Variants in KCND3 observed in about 807,000 individuals in gnomAD.
The protein encoded by KCND3 is A-type voltage-gated potassium channel KCND3.
A neutral mutation model predicts 51.1 loss-of-function variants in KCND3; 9 were observed. That is an observed-to-expected ratio of 0.18 (90% CI 0.11 to 0.31). The LOEUF (loss-of-function observed/expected upper bound fraction) is 0.31. KCND3 is among the 10% of genes least tolerant of loss of function. KCND3 has a pLI of 1.00. For synonymous variants in KCND3, 349 were observed against 368.0 expected (o/e 0.95, Z 0.59); for missense variants, 526 against 903.8 (o/e 0.58, Z 5.36).
chr1:111,868,855 C>A (rs1325965347), intron 2 of KCND3, among the ~76,000 whole-genome samples: 1 of 152,168 alleles, frequency 6.6e-6, no homozygotes, highest in African/African-American at 2.4e-5. Flanking sequence ...CCCATCTTAG[C>A]CTTCTCTGTC....
At chr1:111,782,763 T>A (rs1402087380) in intron 3 of KCND3, among the ~76,000 whole-genome samples, 3 of 152,222 alleles carry the variant, frequency 2.0e-5, no homozygotes, top group Non-Finnish European at 4.4e-5. Context: ...TTGTGGCACT[T>A]CTTTTAATCA....
chr1:111,908,422 G>A (rs1353990256), intron 2 of KCND3, among the ~76,000 whole-genome samples: 1 of 152,228 alleles, frequency 6.6e-6, no homozygotes, highest in African/African-American at 2.4e-5. Flanking sequence ...GCAAATAAAT[G>A]TTAGGTAACT....
chr1:111,806,421 C>T (rs1457399893), intron 2 of KCND3, among the ~76,000 whole-genome samples: 2 of 152,166 alleles, frequency 1.3e-5, no homozygotes, highest in Non-Finnish European at 2.9e-5. Flanking sequence ...ATAATGGGAA[C>T]GCTATGGGCT....
At chr1:111,781,005 G>A (rs1003139352) in intron 3 of KCND3, among the ~76,000 whole-genome samples, 2 of 152,144 alleles carry the variant, frequency 1.3e-5, no homozygotes, top group African/African-American at 2.4e-5. Context: ...TCTCCAGCCC[G>A]GGTATAATCC....
Position 111,981,974 on chromosome 1 carries a change from G to T in KCND3, c.753C>A (p.Arg251=). ...TCATGACGCTGCGGATGAAGCGGTA[G>T]CGGCTGGGAGCCGCGAAGAGCCGCA... ...YLLRLFAAPS[R]YRFIRSVMSI... The change falls in exon 2 of 8, where the codon CGC becomes CGA. Residue 251 remains arginine, a synonymous_variant. Coordinates refer to ENST00000302127, the MANE Select transcript of KCND3 (RefSeq NM_001378969.1). This position sits in a 1 kb window ranked among gnomAD's most constrained non-coding sequence, Gnocchi z 6.2. 1 of 1,614,038 alleles carries T rather than the reference G, an allele frequency of 6.2e-7. No individual in the cohort carries two copies. Among genetic ancestry groups the T allele is most frequent in the African/African-American group, 1.3e-5 (1 of 75,008 alleles).
Position 111,827,131 on chromosome 1 carries a change from G to A in KCND3, c.1107-40025C>T, listed in dbSNP as rs192720279. The stretch of plus-strand genomic sequence containing the variant: ...GCCTGTATGATTATTTCCAGTTTTT[G>A]GATGGGAAAACTAAGGCACAGAGTG... On this transcript the variant is annotated intron_variant, in intron 2 of 7. Transcript: ENST00000302127. Among the ~76,000 whole-genome samples the A allele has an allele frequency of 5.8e-4, 88 of 152,326 alleles. 1 individual carries two copies. The highest frequency in any genetic ancestry group is 1.0e-3 in the Non-Finnish European group (69 of 68,032).
intron 2 of KCND3, among the ~76,000 whole-genome samples, chr1:111,876,085 C>T (rs188501846): frequency 1.3e-5 from 2 of 152,260 alleles, no homozygotes; most frequent in Admixed American, 6.5e-5. Context: ...GAAACTAGCC[C>T]CCAAATGTCC....
At chr1:111,977,388 G>A (rs758107489) in intron 2 of KCND3, among the ~76,000 whole-genome samples, 12 of 152,194 alleles carry the variant, frequency 7.9e-5, no homozygotes, top group Admixed American at 3.3e-4. Flanking sequence ...CCAGGATTAT[G>A]TTTTAAAGTG....
intron 2 of KCND3, among the ~76,000 whole-genome samples, chr1:111,790,208 C>T (rs1389904769): frequency 6.6e-6 from 1 of 152,150 alleles, no homozygotes; most frequent in Non-Finnish European, 1.5e-5. Flanking sequence ...TAGTTACCAA[C>T]TAGTTAAGTG....
chr1:111,788,367 A>G (rs1557937568), intron 2 of KCND3, among the ~76,000 whole-genome samples: 1 of 152,248 alleles, frequency 6.6e-6, no homozygotes, highest in Non-Finnish European at 1.5e-5. Context: ...ACTCAAAGTC[A>G]TCTGTCCTGA....
intron 2 of KCND3, among the ~76,000 whole-genome samples, chr1:111,949,233 T>G (rs1437783645): frequency 1.3e-5 from 2 of 152,344 alleles, no homozygotes; most frequent in Admixed American, 1.3e-4. Flanking sequence ...TTGGTGGATC[T>G]CCGGGTGCCT....
chr1:111,826,018 G>T (rs1666554979), intron 2 of KCND3, among the ~76,000 whole-genome samples: 1 of 152,100 alleles, frequency 6.6e-6, no homozygotes, highest in African/African-American at 2.4e-5. Flanking sequence ...TTGCTAATTT[G>T]CAAGCCAAAA....
chr1:111,839,479 C>T (rs967160797), intron 2 of KCND3, among the ~76,000 whole-genome samples: 2 of 152,224 alleles, frequency 1.3e-5, no homozygotes, highest in African/African-American at 4.8e-5. Context: ...TGTCATTTCC[C>T]CAAGGAGCAG....
At chr1:111,861,426 C>T (rs1162247155) in intron 2 of KCND3, among the ~76,000 whole-genome samples, 1 of 152,170 alleles carries the variant, frequency 6.6e-6, no homozygotes, top group Non-Finnish European at 1.5e-5. Context: ...CTTTCCTTTC[C>T]CTCCCCCAGC....
chr1:111,810,667 G>A (rs1169812339), intron 2 of KCND3, among the ~76,000 whole-genome samples: 1 of 152,230 alleles, frequency 6.6e-6, no homozygotes, highest in Non-Finnish European at 1.5e-5. Context: ...TCTCTGTGAA[G>A]GGCGAGAACG....
intron 2 of KCND3, among the ~76,000 whole-genome samples, chr1:111,870,383 G>A (rs769180087): frequency 1.4e-4 from 22 of 152,172 alleles, no homozygotes; most frequent in Non-Finnish European, 2.9e-5. Context: ...TTCTGATGCT[G>A]GACATCAGAG....
At chr1:111,849,229 A>G (rs537151489) in intron 2 of KCND3, among the ~76,000 whole-genome samples, 80 of 152,298 alleles carry the variant, frequency 5.3e-4, no homozygotes, top group African/African-American at 1.9e-3. Context: ...AAAACTCCTC[A>G]GTGACTCTCG....
At chr1:111,894,429 A>G (rs1670000349) in intron 2 of KCND3, among the ~76,000 whole-genome samples, 1 of 151,980 alleles carries the variant, frequency 6.6e-6, no homozygotes, top group South Asian at 2.1e-4. Flanking sequence ...ACCCTGTTCC[A>G]TCTCCTTCAT....
At position 111,944,898 on chromosome 1, in the gene KCND3, G is replaced by A. The variant is rs184843259; in HGVS notation, c.1106+36723C>T. Among the ~76,000 whole-genome samples, 422 of 152,310 alleles carry A rather than the reference G, an allele frequency of 2.8e-3. 1 individual carries two copies. Among genetic ancestry groups the A allele is most frequent in the African/African-American group, 5.2e-3 (217 of 41,576 alleles). ...GCATGAACTCCCTGTCTTCACCGCC[G>A]CTCAGCCTTGGCACACATGGTGCTG... On this transcript the variant is annotated intron_variant, in intron 2 of 7. Transcript: ENST00000302127.
Sources: gnomAD v4.1 joint callset for allele counts (sites outside exome capture counted in the v4.1 genomes callset) on GRCh38, gnomAD v4.1.1 for gene constraint, Gnocchi (gnomAD v3.1) non-coding constraint, MANE v1.5 for transcripts, NCBI Gene and HGNC (gene_info 2026-07-23, HGNC 2026-07-21) for gene names.